YAE1: variants seen among roughly 807,000 people sequenced by gnomAD.
The protein encoded by YAE1 is protein YAE1 homolog.
A neutral mutation model predicts 23.0 loss-of-function variants in YAE1; 22 were observed. The observed-to-expected ratio is 0.96, with a 90% CI of 0.68 to 1.37. The LOEUF is 1.37. Among genes scored for constraint, YAE1 ranks in the 40% most tolerant of loss-of-function variants. The probability of loss-of-function intolerance (pLI) is 0.00; values close to 1 mark genes in which losing one functional copy is unlikely to be tolerated. For synonymous variants in YAE1, 101 were observed against 97.0 expected, an observed-to-expected ratio of 1.04 and a Z score of -0.24; for missense variants, 260 against 262.1, an observed-to-expected ratio of 0.99 and a Z score of 0.06.
At chr7:39,591,378 T>A (rs1790898960) in intron 2 of YAE1, among the ~76,000 whole-genome samples, 2 of 152,228 alleles carry the variant, frequency 1.3e-5, no homozygotes, top group South Asian at 4.1e-4. Context: ...CACATAGTAC[T>A]AAATACTTTT....
intron 2 of YAE1, among the ~76,000 whole-genome samples, chr7:39,580,964 C>A (rs1202831222): frequency 6.6e-6 from 1 of 152,164 alleles, no homozygotes; most frequent in East Asian, 1.9e-4. Context: ...ATGTAAAATT[C>A]TAACCTCACC....
At chr7:39,578,704 G>A (rs1348678300) in intron 2 of YAE1, among the ~76,000 whole-genome samples, 4 of 152,102 alleles carry the variant, frequency 2.6e-5, no homozygotes, top group South Asian at 2.1e-4. Context: ...AATATCAGAA[G>A]GAACAACCTC....
chr7:39,597,600 T>A (rs1790994781), intron 2 of YAE1, among the ~76,000 whole-genome samples: 2 of 152,196 alleles, frequency 1.3e-5, no homozygotes, highest in African/African-American at 4.8e-5. Context: ...CTTCTGATCA[T>A]CTAGCAAACC....
At chr7:39,603,682 G>T (rs1434254289) in intron 2 of YAE1, among the ~76,000 whole-genome samples, 1 of 152,132 alleles carries the variant, frequency 6.6e-6, no homozygotes, top group Non-Finnish European at 1.5e-5. Context: ...TGTTTCACCA[G>T]AGTAATATAA....
At chr7:39,599,563 C>T (rs930465833) in intron 2 of YAE1, among the ~76,000 whole-genome samples, 10 of 151,668 alleles carry the variant, frequency 6.6e-5, no homozygotes, top group Admixed American at 1.3e-4. Flanking sequence ...TTAGTAGAGA[C>T]GGGTTGCTCT....
chr7:39,575,812 T>C (rs1320081790), downstream of YAE1, among the ~76,000 whole-genome samples: 1 of 152,222 alleles, frequency 6.6e-6, no homozygotes, highest in Non-Finnish European at 1.5e-5. Context: ...CTAAAGTCAC[T>C]GATAGCCAGT....
At chr7:39,598,930 C>T (rs1021711185) in intron 2 of YAE1, among the ~76,000 whole-genome samples, 5 of 151,304 alleles carry the variant, frequency 3.3e-5, no homozygotes, top group Non-Finnish European at 5.9e-5. Context: ...AGATGTATAA[C>T]GTAGGGATTC....
chr7:39,580,841 A>G (rs1040191301), intron 2 of YAE1, among the ~76,000 whole-genome samples: 2 of 152,154 alleles, frequency 1.3e-5, no homozygotes, highest in East Asian at 3.8e-4. Flanking sequence ...CTAAATCAAA[A>G]TAACTGATCA....
At chr7:39,594,886 G>A (rs552478726) in intron 2 of YAE1, among the ~76,000 whole-genome samples, 94 of 152,174 alleles carry the variant, frequency 6.2e-4, no homozygotes, top group Admixed American at 1.2e-3. Flanking sequence ...GTCAGCCACC[G>A]TGCCCAGCCA....
At chr7:39,608,962 G>A (rs909510473) in intron 2 of YAE1, among the ~76,000 whole-genome samples, 1 of 152,206 alleles carries the variant, frequency 6.6e-6, no homozygotes, top group East Asian at 1.9e-4. Context: ...CCAAAGTCAA[G>A]CCTGACATGA....
At chr7:39,566,622 A>G in intron 1 of YAE1, 75 bp downstream of exon 1, 1 of 1,585,352 alleles carries the variant, frequency 6.3e-7, no homozygotes, top group Non-Finnish European at 8.6e-7. Flanking sequence ...CTGGGTCCAG[A>G]GTGGCCCCAG....
downstream of YAE1, among the ~76,000 whole-genome samples, chr7:39,574,117 G>T (rs551871755): frequency 8.5e-5 from 13 of 152,188 alleles, no homozygotes; most frequent in Non-Finnish European, 1.9e-4. Flanking sequence ...AATGTCATGG[G>T]TGTGGTAAAT....
intron 2 of YAE1, among the ~76,000 whole-genome samples, chr7:39,589,129 G>A (rs1189565088): frequency 1.3e-5 from 2 of 151,846 alleles, no homozygotes; most frequent in African/African-American, 4.8e-5. Flanking sequence ...GCTAATTTTA[G>A]TTTCAATTTA....
intron 2 of YAE1, 142 bp downstream of exon 2, chr7:39,570,769 T>A (rs1385098391): frequency 1.1e-5 from 12 of 1,126,470 alleles, no homozygotes; most frequent in Admixed American, 3.5e-5. Context: ...AGAATTATAT[T>A]GCCTTCAAAA....
intron 2 of YAE1, among the ~76,000 whole-genome samples, chr7:39,608,939 G>A (rs985383839): frequency 2.2e-4 from 33 of 152,114 alleles, no homozygotes; most frequent in African/African-American, 8.0e-4. Flanking sequence ...ACTGAGTCAG[G>A]GTTCATTTTA....
chr7:39,598,797 A>AAG (rs57546427), intron 2 of YAE1, among the ~76,000 whole-genome samples: 11,413 of 147,638 alleles, frequency 0.077, 1,112 homozygotes, highest in African/African-American at 0.22. Context: ...AAAAAAAAAA[A>AAG]AAGAAGAAGA....
rs1405139394 is a variant in YAE1, at chr7:39,570,575, A to G, written c.199A>G (p.Lys67Glu). The change falls in exon 2 of 3, where the codon AAG (lysine) becomes GAG (glutamate). Residue 67 changes from lysine (K) to glutamate (E), a missense_variant. Physicochemically the swap from Lys to Glu is moderately conservative, Grantham distance 56. Transcript: ENST00000223273. The stretch of plus-strand genomic sequence containing the variant: ...TCAACAGGGCTTCAATCAAGGTTAT[A>G]AGAAAGGTGCAGAAGTCATTTTAAA... Reference protein sequence around the residue: ...TLQQGFNQGYKKGAEVILNYG... With the variant: ...TLQQGFNQGYEKGAEVILNYG... 1.2e-6 allele frequency: 2 copies of G among 1,611,440 alleles called. No individual in the cohort carries two copies. The highest frequency in any genetic ancestry group is 1.3e-5 in the African/African-American group (1 of 74,710).
chr7:39,607,603 G>C (rs1457381924), intron 2 of YAE1, among the ~76,000 whole-genome samples: 2 of 152,204 alleles, frequency 1.3e-5, no homozygotes, highest in African/African-American at 4.8e-5. Context: ...GTTGTTTTAA[G>C]CCATTAAGTT....
chr7:39,604,084 A>T (rs1484879826), intron 2 of YAE1, among the ~76,000 whole-genome samples: 2 of 152,200 alleles, frequency 1.3e-5, no homozygotes, highest in Non-Finnish European at 2.9e-5. Context: ...GGAAATATGG[A>T]GGAAGGGTTG....
Sources: gnomAD v4.1 joint callset for allele counts (sites outside exome capture counted in the v4.1 genomes callset) on GRCh38, gnomAD v4.1.1 for gene constraint, MANE v1.5 for transcripts, NCBI Gene and HGNC (gene_info 2026-07-23, HGNC 2026-07-21) for gene names.